The following DDX10 variants were observed in gnomAD, a reference collection of about 807,000 sequenced individuals.
The protein encoded by DDX10 is DEAD-box helicase 10.
A neutral mutation model predicts 104.3 loss-of-function variants in DDX10; 74 were observed. The observed-to-expected ratio is 0.71, with a 90% CI of 0.59 to 0.86. DDX10 has a LOEUF of 0.86. DDX10 is among the 40% of genes least tolerant of loss of function. The probability of loss-of-function intolerance (pLI) is 0.00; values close to 1 mark genes in which losing one functional copy is unlikely to be tolerated. For missense variants in DDX10, 952 were observed against 1,040.0 expected, an observed-to-expected ratio of 0.92 and a Z score of 1.16; for synonymous variants, 351 against 353.4, an observed-to-expected ratio of 0.99 and a Z score of 0.08.
At chr11:108,851,703 A>T (rs1862795283) in intron 15 of DDX10, among the ~76,000 whole-genome samples, 1 of 149,516 alleles carries the variant, frequency 6.7e-6, no homozygotes, top group East Asian at 1.9e-4. Flanking sequence ...GCACATGAAG[A>T]CCCGGGTTTG....
At chr11:108,702,752 T>G (rs1565252164) in intron 9 of DDX10, among the ~76,000 whole-genome samples, 1 of 152,156 alleles carries the variant, frequency 6.6e-6, no homozygotes, top group Non-Finnish European at 1.5e-5. Context: ...TCATGACCAA[T>G]CTGTTGAGTA....
At chr11:108,692,652 A>G (rs2094254440) in intron 8 of DDX10, among the ~76,000 whole-genome samples, 1 of 152,204 alleles carries the variant, frequency 6.6e-6, no homozygotes, top group African/African-American at 2.4e-5. Flanking sequence ...CAAAAGCTGA[A>G]TATGTTTAAT....
chr11:108,784,435 G>T (rs1486178561), intron 13 of DDX10, among the ~76,000 whole-genome samples: 4 of 152,116 alleles, frequency 2.6e-5, no homozygotes, highest in African/African-American at 9.7e-5. Flanking sequence ...GTCTTGCTTT[G>T]TTGCCCAGTG....
chr11:108,815,164 G>GATGTA (rs1483002703), intron 13 of DDX10, among the ~76,000 whole-genome samples: 1 of 152,018 alleles, frequency 6.6e-6, no homozygotes, highest in Non-Finnish European at 1.5e-5. Flanking sequence ...TATATACTTT[G>GATGTA]ATGTAACATT....
At chr11:108,870,453 T>C (rs1219469232) in intron 16 of DDX10, among the ~76,000 whole-genome samples, 1 of 152,228 alleles carries the variant, frequency 6.6e-6, no homozygotes, top group East Asian at 1.9e-4. Context: ...AGCTTCCAGC[T>C]CCTTCTCTGG....
intron 16 of DDX10, among the ~76,000 whole-genome samples, chr11:108,902,522 G>T (rs1417254149): frequency 1.3e-5 from 2 of 152,128 alleles, no homozygotes; most frequent in Non-Finnish European, 2.9e-5. Context: ...TTTCAAATCT[G>T]AATTTATGTA....
In DDX10 at chr11:108,848,050, G is replaced by A. The variant is rs150436924; in HGVS notation, c.2248-4103G>A. Among the ~76,000 whole-genome samples, 349 of 152,304 alleles carry A rather than the reference G, an allele frequency of 2.3e-3. 1 individual carries two copies. The highest frequency in any genetic ancestry group is 8.1e-3 in the African/African-American group (336 of 41,568). On this transcript the variant is annotated intron_variant, in intron 15 of 17. Coordinates refer to ENST00000322536, the MANE Select transcript of DDX10 (RefSeq NM_004398.4). ...TAACTCTGAAGCAGTGAATTAAAAC[G>A]TGGAGGATGATCACAAGAGTAAAGG...
At chr11:108,775,589 T>C (rs1405075750) in intron 13 of DDX10, among the ~76,000 whole-genome samples, 1 of 152,240 alleles carries the variant, frequency 6.6e-6, no homozygotes, top group Non-Finnish European at 1.5e-5. Flanking sequence ...GGGAATGCAT[T>C]GACTTTCTCA....
At chr11:108,837,288 A>G (rs1048301075) in intron 13 of DDX10, among the ~76,000 whole-genome samples, 7 of 152,166 alleles carry the variant, frequency 4.6e-5, no homozygotes, top group African/African-American at 1.7e-4. Flanking sequence ...TTTCCTAACT[A>G]CTACACCAAA....
intron 13 of DDX10, among the ~76,000 whole-genome samples, chr11:108,733,937 A>C (rs969291328): frequency 6.6e-6 from 1 of 151,702 alleles, no homozygotes; most frequent in East Asian, 1.9e-4. Flanking sequence ...CATTCTTCCC[A>C]GTTTCCACTT....
intron 13 of DDX10, among the ~76,000 whole-genome samples, chr11:108,728,062 C>T (rs1591802827): frequency 6.6e-6 from 1 of 151,556 alleles, no homozygotes; most frequent in Non-Finnish European, 1.5e-5. Flanking sequence ...AAAAAAAACC[C>T]AGAAAGCACA....
chr11:108,783,146 T>C (rs1591817074), intron 13 of DDX10, among the ~76,000 whole-genome samples: 1 of 152,308 alleles, frequency 6.6e-6, no homozygotes, highest in South Asian at 2.1e-4. Context: ...AATATTAGAA[T>C]TGTTTCTGTG....
chr11:108,825,357 G>A (rs1472595069), intron 13 of DDX10, among the ~76,000 whole-genome samples: 1 of 152,154 alleles, frequency 6.6e-6, no homozygotes, highest in African/African-American at 2.4e-5. Flanking sequence ...AAGGTGACAG[G>A]TACGCATGCT....
At position 108,854,501 on chromosome 11, in the gene DDX10, C is replaced by G. The variant is rs76903796; in HGVS notation, c.2304+2292C>G. ...TAGAGCTTCCCTTTGATCCCTGAAC[C>G]TACAAGCTATCCAGAAGATATTTTA... On this transcript the variant is annotated intron_variant, in intron 16 of 17. Coordinates refer to ENST00000322536, the MANE Select transcript of DDX10 (RefSeq NM_004398.4). 1.1e-3 allele frequency among the ~76,000 whole-genome samples: 172 copies of G among 152,262 alleles called. 2 individuals are homozygous for G. In the East Asian group the frequency reaches 0.032, roughly 29 times the overall value.
intron 15 of DDX10, among the ~76,000 whole-genome samples, chr11:108,842,129 CT>C (rs1473467087): frequency 6.6e-6 from 1 of 151,844 alleles, no homozygotes; most frequent in Non-Finnish European, 1.5e-5. Context: ...AGCATGTGCC[CT>C]TGTGGTCTTG....
intron 10 of DDX10, among the ~76,000 whole-genome samples, chr11:108,712,837 C>T (rs1263733450): frequency 1.3e-5 from 2 of 150,786 alleles, no homozygotes; most frequent in Non-Finnish European, 3.0e-5. Flanking sequence ...AACTTTTAAA[C>T]ATATTTTGCA....
At chr11:108,768,499 G>A (rs2094358998) in intron 13 of DDX10, among the ~76,000 whole-genome samples, 1 of 152,174 alleles carries the variant, frequency 6.6e-6, no homozygotes, top group Admixed American at 6.5e-5. Context: ...TGAAACAGAA[G>A]AGTTTGTATC....
At chr11:108,877,671 T>A (rs890237) in intron 16 of DDX10, among the ~76,000 whole-genome samples, 70,159 of 152,074 alleles carry the variant, frequency 0.46, 19,578 homozygotes, top group Non-Finnish European at 0.62. Flanking sequence ...GTAAAAGATC[T>A]ATATTTCCTA....
intron 17 of DDX10, among the ~76,000 whole-genome samples, chr11:108,938,900 C>A (rs1289530400): frequency 6.6e-6 from 1 of 152,092 alleles, no homozygotes; most frequent in Admixed American, 6.5e-5. Context: ...TAATCCAGGC[C>A]GTTGGAAGTT....
Sources: gnomAD v4.1 joint callset for allele counts (sites outside exome capture counted in the v4.1 genomes callset) on GRCh38, gnomAD v4.1.1 for gene constraint, MANE v1.5 for transcripts, NCBI Gene and HGNC (gene_info 2026-07-23, HGNC 2026-07-21) for gene names.